The following HSPBP1 variants were observed in gnomAD, a reference collection of about 807,000 sequenced individuals.
HSPBP1 encodes the protein HSPA (Hsp70) binding protein 1, also known as hsp70-binding protein 1.
A neutral mutation model predicts 41.7 loss-of-function variants in HSPBP1; 31 were observed. The ratio of observed to expected loss-of-function variants is 0.74; its 90% CI spans 0.56 to 1.00. The LOEUF (loss-of-function observed/expected upper bound fraction) is 1.00, where lower values mean the gene tolerates loss of function less well. HSPBP1 is among the 50% of genes least tolerant of loss of function. HSPBP1 has a pLI of 0.00. For missense variants in HSPBP1, 439 were observed against 487.9 expected (o/e 0.90, Z 0.94); for synonymous variants, 199 against 214.4 (o/e 0.93, Z 0.63).
In HSPBP1 at chr19:55,274,561, C is replaced by T. The variant is rs141770023; in HGVS notation, c.477G>A (p.Ala159=). ...LVGRYLEAGA[A]GLRWRAAQLI... is the part of the protein sequence containing the mutation. ...GCTGTGCCGCCCGCCACCGCAGTCC[C>T]GCAGCCCCCGCCTCCAGGTACCGGC... The change falls in exon 4 of 8, where the codon GCG becomes GCA. Residue 159 remains alanine, a synonymous_variant. Transcript: ENST00000433386. The T allele has an allele frequency of 9.6e-5, 155 of 1,608,886 alleles. No homozygotes were observed. The African/African-American group carries it at 1.4e-3, about 15-fold the overall frequency.
chr19:55,280,123 C>T (rs546584362), upstream of HSPBP1: 27 of 207,870 alleles, frequency 1.3e-4, no homozygotes, highest in South Asian at 5.3e-4. Context: ...ACCGGAAATA[C>T]GCACGGTTTC....
chr19:55,263,967 C>CTT lies in HSPBP1; in HGVS notation c.1006-1287_1006-1286dup, dbSNP rs201171002. Among the ~76,000 whole-genome samples, 886 of 130,472 alleles carry CTT rather than the reference C, an allele frequency of 6.8e-3. 22 individuals are homozygous for CTT. The highest frequency in any genetic ancestry group is 0.021 in the African/African-American group (703 of 33,652). 85.6% of individuals were successfully genotyped at this position (130,472 alleles called of 152,430 possible). On this transcript the variant is annotated intron_variant, in intron 7 of 7. Coordinates refer to ENST00000433386, the MANE Select transcript of HSPBP1 (RefSeq NM_012267.5). ...AAGTCAAAACTTCTCATGTAGTACA[C>CTT]TTTTTTTTTTTTTTTTTTTGAGATG...
rs2087852164 is a variant in HSPBP1 at position 55,268,873 on chromosome 19, G to A, written c.641-2587C>T. ...TTTAGTAGAGACAGGGTGTCACCAT[G>A]TTGGCCAGGCTGGTCTTGAGCTCCT... is the stretch of plus-strand genomic sequence containing the variant. On this transcript the variant is annotated intron_variant, in intron 4 of 7. Coordinates refer to ENST00000433386, the MANE Select transcript of HSPBP1 (RefSeq NM_012267.5). This position sits in a 1 kb window ranked among gnomAD's most constrained non-coding sequence, Gnocchi z 4.5. 6.6e-6 allele frequency among the ~76,000 whole-genome samples: 1 copy of A among 152,086 alleles called. No individual in the cohort carries two copies. Among genetic ancestry groups the A allele is most frequent in the Non-Finnish European group, 1.5e-5 (1 of 68,006 alleles).
At chr19:55,265,198 A>C (rs1293052200) in intron 7 of HSPBP1, 80 bp downstream of exon 7, 772 of 216,196 alleles carry the variant, frequency 3.6e-3, no homozygotes, top group South Asian at 7.4e-3. Context: ...TCCCCTCCCC[A>C]CACACCTAGT....
chr19:55,274,357 A>ACCCCCCTCCCCCCCCCCCCC, intron 4 of HSPBP1, 41 bp downstream of exon 4: 3 of 206,248 alleles, frequency 1.5e-5, no homozygotes, highest in Non-Finnish European at 1.7e-5. Flanking sequence ...ACCCCCCCCC[A>ACCCCCCTCCCCCCCCCCCCC]CCGCCAGCAC....
rs1015892291 is a variant in HSPBP1, at chr19:55,270,246, C to T, written c.641-3960G>A. ...CGTGCACAACTTTCGCTGGGGAAGC[C>T]GACCACCACGTGGTGAGGCCGCTCA... On this transcript the variant is annotated intron_variant, in intron 4 of 7. Transcript: ENST00000433386. This position sits in a 1 kb window ranked among gnomAD's most constrained non-coding sequence, Gnocchi z 5.4. Among the ~76,000 whole-genome samples, 1 of 152,348 alleles carries T rather than the reference C, an allele frequency of 6.6e-6. No individual in the cohort carries two copies. Among genetic ancestry groups the T allele is most frequent in the South Asian group, 2.1e-4 (1 of 4,820 alleles).
rs545559963 is a variant in HSPBP1 at position 55,269,931 on chromosome 19, C to T, written c.641-3645G>A. 2.6e-5 allele frequency among the ~76,000 whole-genome samples: 4 copies of T among 152,288 alleles called. No homozygotes were observed. The South Asian group carries it at 8.3e-4, about 32-fold the overall frequency. ...CACTCTGGTAGACTGTAACAAGGAA[C>T]CACTTTGGAGTGGCTCCACAGAGGG... On this transcript the variant is annotated intron_variant, in intron 4 of 7. Coordinates refer to ENST00000433386, the MANE Select transcript of HSPBP1 (RefSeq NM_012267.5).
chr19:55,262,297 C>G lies in HSPBP1; in HGVS notation c.*311G>C, dbSNP rs918363151. On this transcript the variant is annotated 3_prime_UTR_variant, in exon 8 of 8. Coordinates refer to ENST00000433386, the MANE Select transcript of HSPBP1 (RefSeq NM_012267.5). ...TCCCTTAAACCCGTGCCCCTCCTCC[C>G]GTCCCCCATGCACCCTCCAAAGGAG... 1.9e-6 allele frequency: 2 copies of G among 1,070,472 alleles called. No homozygotes were observed. The highest frequency in any genetic ancestry group is 2.3e-6 in the Non-Finnish European group (2 of 865,820). The allele number at this position is 1,070,472 out of a possible 1,614,324, so 66.3% of individuals were successfully genotyped here.
In HSPBP1 at chr19:55,270,145, T is replaced by C. The variant is rs2087883238; in HGVS notation, c.641-3859A>G. Among the ~76,000 whole-genome samples the C allele has an allele frequency of 6.6e-6, 1 of 152,198 alleles. No individual in the cohort carries two copies. On this transcript the variant is annotated intron_variant, in intron 4 of 7. Coordinates refer to ENST00000433386, the MANE Select transcript of HSPBP1 (RefSeq NM_012267.5). This position sits in a 1 kb window ranked among gnomAD's most constrained non-coding sequence, Gnocchi z 5.4. ...ACAGATGCCACTGAATGGTATACTTTAACATTTTCATGTGAATTTTACCCC... is the reference window on the plus strand; with the variant it reads ...ACAGATGCCACTGAATGGTATACTTCAACATTTTCATGTGAATTTTACCCC...
chr19:55,268,523 T>C lies in HSPBP1; in HGVS notation c.641-2237A>G, dbSNP rs1449144918. Among the ~76,000 whole-genome samples, 1 of 152,188 alleles carries C rather than the reference T, an allele frequency of 6.6e-6. No homozygotes were observed. Among genetic ancestry groups the C allele is most frequent in the Non-Finnish European group, 1.5e-5 (1 of 68,036 alleles). ...CACTACCCCTGAAAACTCAGCATGT[T>C]GCGATGTGCTTCATTTGTAAAATGC... On this transcript the variant is annotated intron_variant, in intron 4 of 7. Coordinates refer to ENST00000433386, the MANE Select transcript of HSPBP1 (RefSeq NM_012267.5). The surrounding 1 kb of genome is among the most constrained non-coding windows in gnomAD (Gnocchi z 4.5).
chr19:55,274,708 C>G, intron 3 of HSPBP1, 86 bp from the exon 4 acceptor site: 30 of 1,113,950 alleles, frequency 2.7e-5, no homozygotes, highest in Non-Finnish European at 3.7e-5. Context: ...GTTCTGACCC[C>G]CAGTACCTTG....
intron 1 of HSPBP1, 47 bp downstream of exon 1, chr19:55,279,988 T>G (rs1396986877): frequency 9.3e-6 from 3 of 323,984 alleles, no homozygotes; most frequent in African/African-American, 2.2e-5. Flanking sequence ...GCAACAAGTC[T>G]TCTCCCTCCT....
At chr19:55,275,865 T>G (rs2088056513) in intron 3 of HSPBP1, among the ~76,000 whole-genome samples, 2 of 151,602 alleles carry the variant, frequency 1.3e-5, no homozygotes, top group South Asian at 4.2e-4. Flanking sequence ...GGAGAATCGT[T>G]TGAACCCGGG....
At chr19:55,264,319 G>T (rs1350230356) in intron 7 of HSPBP1, among the ~76,000 whole-genome samples, 1 of 152,206 alleles carries the variant, frequency 6.6e-6, no homozygotes, top group Admixed American at 6.5e-5. Context: ...ACACAGGAAT[G>T]AATCTAATAG....
chr19:55,276,104 C>CAAAAA (rs59561808), intron 3 of HSPBP1, among the ~76,000 whole-genome samples: 1 of 65,980 alleles, frequency 1.5e-5, no homozygotes. Context: ...GAGACTGACT[C>CAAAAA]AAAAAAAAAA....
intron 3 of HSPBP1, among the ~76,000 whole-genome samples, chr19:55,274,881 T>C (rs1156902974): frequency 1.3e-5 from 2 of 152,098 alleles, no homozygotes; most frequent in Non-Finnish European, 2.9e-5. Context: ...ACACAAAAAA[T>C]GCCTTCTGCA....
chr19:55,262,721 C>A (rs200727616), intron 7 of HSPBP1, 39 bp from the exon 8 acceptor site: 46 of 1,585,580 alleles, frequency 2.9e-5, no homozygotes, highest in Non-Finnish European at 3.8e-5. Context: ...GGCCTGAGTG[C>A]AGAGGCCGGA....
intron 3 of HSPBP1, among the ~76,000 whole-genome samples, chr19:55,274,834 GAC>G (rs1378456266): frequency 1.3e-5 from 2 of 152,036 alleles, no homozygotes; most frequent in African/African-American, 4.8e-5. Context: ...AAGAGATGAG[GAC>G]ACAGACACCC....
chr19:55,274,368 C>CCA, intron 4 of HSPBP1, 30 bp downstream of exon 4: 1 of 1,365,234 alleles, frequency 7.3e-7, no homozygotes, highest in South Asian at 1.3e-5. Context: ...CCGCCAGCAC[C>CCA]CCTGTCCCCA....
Sources: allele counts gnomAD v4.1 joint callset (sites outside exome capture counted in the v4.1 genomes callset), GRCh38; gene constraint gnomAD v4.1.1; non-coding constraint Gnocchi (gnomAD v3.1); transcripts MANE v1.5; gene names NCBI Gene and HGNC (gene_info 2026-07-23, HGNC 2026-07-21).